Variants in PFKFB1 observed in about 807,000 individuals in gnomAD.
PFKFB1 encodes the protein 6-phosphofructo-2-kinase/fructose-2,6-biphosphatase 1.
PFKFB1 carries 34 observed loss-of-function variants against 46.4 expected under a neutral mutation model. The ratio of observed to expected loss-of-function variants is 0.73; its 90% CI spans 0.56 to 0.98. PFKFB1 has a LOEUF of 0.98. PFKFB1 is among the 50% of genes least tolerant of loss of function. PFKFB1 has a pLI of 0.00. For synonymous variants in PFKFB1, 119 were observed against 133.8 expected (o/e 0.89, Z 0.76); for missense variants, 393 against 376.3 (o/e 1.04, Z -0.37).
chrX:54,957,965 T>C (rs1032419250), intron 6 of PFKFB1, among the ~76,000 whole-genome samples: 1 of 111,886 alleles, frequency 8.9e-6, no homozygotes, highest in Non-Finnish European at 1.9e-5. Flanking sequence ...CATCCCTTTG[T>C]ATGAATTTTT....
chrX:54,942,974 T>C (rs986645310), intron 10 of PFKFB1, among the ~76,000 whole-genome samples: 7 of 110,312 alleles, frequency 6.3e-5, no homozygotes, highest in African/African-American at 2.0e-4. Context: ...AGATAGAAAA[T>C]AGGAAGGAAA....
intron 1 of PFKFB1, among the ~76,000 whole-genome samples, chrX:54,974,938 T>A: frequency 9.0e-6 from 1 of 110,813 alleles, no homozygotes; most frequent in Non-Finnish European, 1.9e-5. Flanking sequence ...GGCCATAATT[T>A]AAAAATAAAA....
intron 1 of PFKFB1, among the ~76,000 whole-genome samples, chrX:54,968,665 C>T (rs1334468858): frequency 9.0e-6 from 1 of 110,836 alleles, no homozygotes; most frequent in Non-Finnish European, 1.9e-5. Context: ...AAACCTTATC[C>T]AAAATGTAAC....
At chrX:54,998,501 C>G (rs1488585573), upstream of PFKFB1, 2 of 965,546 alleles carry the variant, frequency 2.1e-6, no homozygotes, top group Non-Finnish European at 2.9e-6. Flanking sequence ...TGGGTGGCAT[C>G]AAAGAGGAAG....
At chrX:54,945,723 T>C (rs761413397) in intron 9 of PFKFB1, among the ~76,000 whole-genome samples, 180 bp from the exon 10 acceptor site, 46 of 99,303 alleles carry the variant, frequency 4.6e-4, no homozygotes, top group African/African-American at 1.5e-3. Flanking sequence ...TGTGTGTGCG[T>C]GTGTGTGTGT....
intron 1 of PFKFB1, among the ~76,000 whole-genome samples, chrX:54,979,744 G>A (rs890139607): frequency 5.4e-5 from 6 of 112,005 alleles, no homozygotes; most frequent in Non-Finnish European, 1.1e-4. Context: ...ATGACATTGT[G>A]TAGTCACCTA....
intron 1 of PFKFB1, among the ~76,000 whole-genome samples, chrX:54,972,417 A>C (rs1369252409): frequency 2.7e-5 from 3 of 109,545 alleles, no homozygotes; most frequent in African/African-American, 6.6e-5. Context: ...GTCTTGTGCC[A>C]GTTTTCAAAG....
At chrX:54,967,172 T>C (rs991259097) in intron 1 of PFKFB1, among the ~76,000 whole-genome samples, 1 of 112,077 alleles carries the variant, frequency 8.9e-6, no homozygotes, top group African/African-American at 3.2e-5. Flanking sequence ...ATACTCACAA[T>C]GTCCAGGATA....
intron 1 of PFKFB1, among the ~76,000 whole-genome samples, chrX:54,969,577 T>A (rs190327033): frequency 7.9e-4 from 89 of 112,444 alleles, no homozygotes; most frequent in African/African-American, 2.7e-3. Context: ...AAAAACTTTT[T>A]ACAAAATACA....
At chrX:54,984,547 T>C (rs1935069332) in intron 1 of PFKFB1, among the ~76,000 whole-genome samples, 1 of 112,274 alleles carries the variant, frequency 8.9e-6, no homozygotes, top group Admixed American at 9.4e-5. Context: ...GAAAATCTAC[T>C]GAAATGTGGT....
chrX:54,998,548 G>A (rs1935388775), upstream of PFKFB1: 1 of 578,670 alleles, frequency 1.7e-6, no homozygotes, highest in Non-Finnish European at 2.8e-6. Flanking sequence ...GAAGGCTGAG[G>A]ACGTACCCTT....
At chrX:54,974,078 A>G (rs1048971177) in intron 1 of PFKFB1, among the ~76,000 whole-genome samples, 23 of 111,604 alleles carry the variant, frequency 2.1e-4, no homozygotes, top group African/African-American at 7.5e-4. Context: ...AATACCAATA[A>G]AAACCCTATC....
intron 2 of PFKFB1, 96 bp downstream of exon 2, chrX:54,963,161 C>T (rs181050935): frequency 3.9e-6 from 3 of 762,009 alleles, no homozygotes; most frequent in Non-Finnish European, 5.9e-6. Context: ...AATGATGGGG[C>T]ATTTCTGGTA....
intron 1 of PFKFB1, among the ~76,000 whole-genome samples, chrX:54,967,544 TG>T (rs1934512911): frequency 3.7e-5 from 3 of 80,364 alleles, no homozygotes. Flanking sequence ...ACCTACAAAA[TG>T]GGAGAAAATT....
chrX:54,991,729 T>A (rs180876828), intron 1 of PFKFB1, among the ~76,000 whole-genome samples: 2 of 110,861 alleles, frequency 1.8e-5, no homozygotes, highest in Non-Finnish European at 3.8e-5. Context: ...TTCTTCATAA[T>A]CAAAAATTAG....
intron 8 of PFKFB1, 44 bp from the exon 9 acceptor site, chrX:54,949,265 A>G (rs747528272): frequency 1.1e-5 from 12 of 1,094,884 alleles, no homozygotes; most frequent in Non-Finnish European, 1.5e-5. Flanking sequence ...GGAAAAGGAG[A>G]GGTGAGAGAG....
intron 1 of PFKFB1, among the ~76,000 whole-genome samples, chrX:54,985,088 G>A (rs1412108746): frequency 9.0e-6 from 1 of 110,798 alleles, no homozygotes; most frequent in African/African-American, 3.3e-5. Flanking sequence ...TTTTAACATA[G>A]TACAAAGAAG....
intron 8 of PFKFB1, among the ~76,000 whole-genome samples, chrX:54,950,267 G>C (rs1933931772): frequency 8.9e-6 from 1 of 112,083 alleles, no homozygotes; most frequent in Non-Finnish European, 1.9e-5. Flanking sequence ...CCTTGACAGG[G>C]AGGTATGAGC....
At chrX:54,959,931 T>C in intron 3 of PFKFB1, 38 bp from the exon 4 acceptor site, 1 of 973,370 alleles carries the variant, frequency 1.0e-6, no homozygotes, top group Non-Finnish European at 1.5e-6. Flanking sequence ...GCAACCCTTA[T>C]CCCCCAGGAT....
Sources: gnomAD v4.1 joint callset for allele counts (sites outside exome capture counted in the v4.1 genomes callset) on GRCh38, gnomAD v4.1.1 for gene constraint, MANE v1.5 for transcripts, NCBI Gene and HGNC (gene_info 2026-07-23, HGNC 2026-07-21) for gene names.